Variants in BARD1 observed in about 807,000 individuals in gnomAD.
The protein encoded by BARD1 is BRCA1-associated RING domain protein 1.
Under a neutral mutation model 77.0 loss-of-function variants are expected in BARD1, and 73 were observed. That is an observed-to-expected ratio of 0.95 (90% CI 0.79 to 1.15). The LOEUF is 1.15. BARD1 is among the 50% of genes most tolerant of loss of function. The pLI is 0.00. For synonymous variants in BARD1, 384 were observed against 338.0 expected (o/e 1.14, Z -1.49); for missense variants, 993 against 938.8 (o/e 1.06, Z -0.75).
At chr2:214,782,004 C>G (rs7566806) in intron 3 of BARD1, among the ~76,000 whole-genome samples, 26,833 of 151,802 alleles carry the variant, frequency 0.18, 2,565 homozygotes, top group East Asian at 0.42. Context: ...AAAATTTACA[C>G]GGAAAAAGAA....
rs76744638 is a variant in BARD1 at position 214,728,819 on chromosome 2, G to C, written c.2191C>G (p.Arg731Gly). The C allele has an allele frequency of 3.7e-4, 593 of 1,614,210 alleles. No individual in the cohort carries two copies. In the African/African-American group the frequency reaches 7.3e-3, roughly 20 times the overall value. The change falls in exon 11 of 11, where the codon CGC becomes GGC. Residue 731 changes from arginine to glycine, a missense_variant. By Grantham distance (125) the Arg-to-Gly change is moderately radical. Transcript: ENST00000260947. ...TAGATGATATACTGTGTGCAGAAGCGCTGATCAGAATCGGGTCTCGCATGG... is the reference window on the plus strand; with the variant it reads ...TAGATGATATACTGTGTGCAGAAGCCCTGATCAGAATCGGGTCTCGCATGG... ...AYHARPDSDQ[R>G]FCTQYIIYED...
At chr2:214,762,347 AT>A (rs1444798359) in intron 6 of BARD1, among the ~76,000 whole-genome samples, 1 of 152,200 alleles carries the variant, frequency 6.6e-6, no homozygotes, top group Admixed American at 6.5e-5. Context: ...AATACTTCTG[AT>A]CCCAAGCATT....
At chr2:214,800,148 G>T (rs1460829945) in intron 1 of BARD1, among the ~76,000 whole-genome samples, 1 of 152,118 alleles carries the variant, frequency 6.6e-6, no homozygotes, top group Non-Finnish European at 1.5e-5. Flanking sequence ...GAACTCTTTA[G>T]CTATAGTTCT....
intron 1 of BARD1, among the ~76,000 whole-genome samples, chr2:214,806,549 A>G (rs1444219609): frequency 6.6e-6 from 1 of 152,132 alleles, no homozygotes; most frequent in African/African-American, 2.4e-5. Context: ...AGACACCTAC[A>G]GAGGAAAGCA....
At chr2:214,730,588 CT>C in intron 9 of BARD1, 80 bp from the exon 10 acceptor site, 1 of 1,205,112 alleles carries the variant, frequency 8.3e-7, no homozygotes, top group Non-Finnish European at 1.2e-6. Flanking sequence ...AGCAATTTAC[CT>C]AAGTGGTTTT....
chr2:214,798,141 G>A (rs1574849121), intron 1 of BARD1, among the ~76,000 whole-genome samples: 1 of 152,182 alleles, frequency 6.6e-6, no homozygotes, highest in South Asian at 2.1e-4. Flanking sequence ...TTTCTTGAAA[G>A]ATTGAAAGTA....
rs574278269 is a variant in BARD1, at chr2:214,767,071, C to A, written c.1568+411G>T. 7.2e-4 allele frequency among the ~76,000 whole-genome samples: 109 copies of A among 152,118 alleles called. 1 individual carries two copies. The highest frequency in any genetic ancestry group is 2.6e-3 in the African/African-American group (109 of 41,504). On this transcript the variant is annotated intron_variant, in intron 6 of 10. Coordinates refer to ENST00000260947, the MANE Select transcript of BARD1 (RefSeq NM_000465.4). ...GCTCTCACTTATAAGTGAGAACATG[C>A]GGTATTTGGTTTTCTGTTCATGCGT... is the stretch of plus-strand genomic sequence containing the variant.
intron 9 of BARD1, among the ~76,000 whole-genome samples, chr2:214,732,026 A>G (rs571996285): frequency 6.6e-6 from 1 of 152,360 alleles, no homozygotes. Context: ...TTATCACTTG[A>G]TATCTAATGG....
chr2:214,798,170 T>C (rs1695842102), intron 1 of BARD1, among the ~76,000 whole-genome samples: 1 of 152,186 alleles, frequency 6.6e-6, no homozygotes, highest in Non-Finnish European at 1.5e-5. Context: ...CACATCTTAA[T>C]AGATATGAAC....
intron 6 of BARD1, among the ~76,000 whole-genome samples, chr2:214,754,086 A>C (rs1463027616): frequency 6.6e-6 from 1 of 152,104 alleles, no homozygotes; most frequent in Admixed American, 6.6e-5. Flanking sequence ...TTCATTCTCT[A>C]AATTATTATG....
At chr2:214,760,214 A>G (rs999154282) in intron 6 of BARD1, among the ~76,000 whole-genome samples, 1 of 152,120 alleles carries the variant, frequency 6.6e-6, no homozygotes, top group Non-Finnish European at 1.5e-5. Flanking sequence ...ATTATTTGAG[A>G]CCGAGTCTCG....
intron 9 of BARD1, among the ~76,000 whole-genome samples, chr2:214,736,768 G>T (rs960091981): frequency 2.0e-5 from 3 of 152,120 alleles, no homozygotes; most frequent in Admixed American, 1.3e-4. Context: ...ATGAGAAGGA[G>T]CCAGTGTAAG....
chr2:214,728,843 G>C lies in BARD1; in HGVS notation c.2167C>G (p.His723Asp), dbSNP rs1245669447. 6.2e-7 allele frequency: 1 copy of C among 1,614,064 alleles called. No homozygotes were observed. Among genetic ancestry groups the C allele is most frequent in the Non-Finnish European group, 8.5e-7 (1 of 1,180,044 alleles). ...VTQTINTVAYHARPDSDQRFC... is the reference protein window; with the variant it reads ...VTQTINTVAYDARPDSDQRFC... Reference sequence around the variant, plus strand: ...CGCTGATCAGAATCGGGTCTCGCATGGTATGCGACTGTATTGATGGTCTGA... The same window carrying C: ...CGCTGATCAGAATCGGGTCTCGCATCGTATGCGACTGTATTGATGGTCTGA... Residue 723 changes from histidine to aspartate, a missense_variant, in exon 11 of 11, where the codon CAT (histidine) becomes GAT (aspartate). Physicochemically the swap from His to Asp is moderately conservative, Grantham distance 81. Coordinates refer to ENST00000260947, the MANE Select transcript of BARD1 (RefSeq NM_000465.4).
chr2:214,751,486 T>A (rs1693450927), intron 7 of BARD1, among the ~76,000 whole-genome samples: 1 of 151,840 alleles, frequency 6.6e-6, no homozygotes, highest in African/African-American at 2.4e-5. Context: ...TTTCCTGACA[T>A]CTCCTGTAGT....
chr2:214,777,883 T>A (rs904095778), intron 4 of BARD1, among the ~76,000 whole-genome samples: 1 of 152,128 alleles, frequency 6.6e-6, no homozygotes, highest in African/African-American at 2.4e-5. Context: ...AAAATTAGGA[T>A]AGGAATGAAA....
intron 9 of BARD1, among the ~76,000 whole-genome samples, chr2:214,731,640 A>G (rs1692361211): frequency 6.6e-6 from 1 of 152,216 alleles, no homozygotes; most frequent in South Asian, 2.1e-4. Context: ...AGATACTACA[A>G]TGAATTATCT....
At chr2:214,804,237 G>A (rs538421408) in intron 1 of BARD1, among the ~76,000 whole-genome samples, 1 of 152,302 alleles carries the variant, frequency 6.6e-6, no homozygotes, top group East Asian at 1.9e-4. Flanking sequence ...TAATGACATG[G>A]AACCTATAGG....
Position 214,728,595 on chromosome 2 carries a change from T to C in BARD1, c.*81A>G. ...GAATGACTCTACCTATTTGTAAAAATGTGAACATTAAAAACAGTACAATGA... is the reference window on the plus strand; with the variant it reads ...GAATGACTCTACCTATTTGTAAAAACGTGAACATTAAAAACAGTACAATGA... On this transcript the variant is annotated 3_prime_UTR_variant, in exon 11 of 11. Transcript: ENST00000260947. 14 of 1,337,404 alleles carry C rather than the reference T, an allele frequency of 1.0e-5. No individual in the cohort carries two copies. The South Asian group carries it at 1.5e-4, about 14-fold the overall frequency. The allele number at this position is 1,337,404 out of a possible 1,614,324, so 82.8% of individuals were successfully genotyped here.
chr2:214,799,539 T>C (rs1695918971), intron 1 of BARD1, among the ~76,000 whole-genome samples: 1 of 152,168 alleles, frequency 6.6e-6, no homozygotes, highest in South Asian at 2.1e-4. Context: ...TTACCCTTCC[T>C]AGAGTCTAAG....
Sources: allele counts gnomAD v4.1 joint callset (sites outside exome capture counted in the v4.1 genomes callset), GRCh38; gene constraint gnomAD v4.1.1; transcripts MANE v1.5; gene names NCBI Gene and HGNC (gene_info 2026-07-23, HGNC 2026-07-21).